IPCEF1: variants seen among roughly 807,000 people sequenced by gnomAD.
IPCEF1 encodes interactor protein for cytohesin exchange factors 1.
IPCEF1 carries 31 observed loss-of-function variants against 50.9 expected under a neutral mutation model. That is an observed-to-expected ratio of 0.61 (90% CI 0.46 to 0.82). IPCEF1 has a LOEUF of 0.82. IPCEF1 is among the 40% of genes least tolerant of loss of function. The pLI is 0.00. For missense variants in IPCEF1, 458 were observed against 514.0 expected (o/e 0.89, Z 1.05); for synonymous variants, 181 against 192.0 (o/e 0.94, Z 0.47).
At chr6:154,169,839 G>A (rs193160704) in intron 10 of IPCEF1, among the ~76,000 whole-genome samples, 31 of 152,306 alleles carry the variant, frequency 2.0e-4, no homozygotes, top group African/African-American at 7.2e-4. Flanking sequence ...GGCCATTTGG[G>A]GCCAAGGAGA....
chr6:154,313,858 C>G (rs2128682376), intron 1 of IPCEF1, among the ~76,000 whole-genome samples: 1 of 152,270 alleles, frequency 6.6e-6, no homozygotes, highest in South Asian at 2.1e-4. Flanking sequence ...ATCCTCCCTT[C>G]TCAGCCTCCC....
At chr6:154,257,911 C>T (rs1239192788) in intron 3 of IPCEF1, among the ~76,000 whole-genome samples, 1 of 152,184 alleles carries the variant, frequency 6.6e-6, no homozygotes, top group East Asian at 1.9e-4. Flanking sequence ...CCATGTGGCC[C>T]AGGCTGGTCT....
rs35478569 is a variant in IPCEF1, at chr6:154,298,962, C to CAA, written c.-61-9208_-61-9207dup. ...GGGCAACAAGAGCGAAACTCCATCT[C>CAA]AAAAAAAAAAAAAAGATTACCAATA... is the stretch of plus-strand genomic sequence containing the variant. On this transcript the variant is annotated intron_variant, in intron 1 of 11. Coordinates refer to ENST00000367220, the MANE Select transcript of IPCEF1 (RefSeq NM_001130700.2). Among the ~76,000 whole-genome samples, 28 of 94,418 alleles carry CAA rather than the reference C, an allele frequency of 3.0e-4. 2 individuals carry two copies. The highest frequency in any genetic ancestry group is 4.7e-3 in the Middle Eastern group (1 of 214). The allele number at this position is 94,418 out of a possible 152,430, so 61.9% of individuals were successfully genotyped here.
At chr6:154,218,823 G>A (rs1449895247) in intron 7 of IPCEF1, among the ~76,000 whole-genome samples, 1 of 152,210 alleles carries the variant, frequency 6.6e-6, no homozygotes, top group Non-Finnish European at 1.5e-5. Context: ...GTCACTGACA[G>A]ATTCAAAAAC....
intron 1 of IPCEF1, among the ~76,000 whole-genome samples, chr6:154,331,469 G>C (rs1783671924): frequency 7.3e-6 from 1 of 137,848 alleles, no homozygotes; most frequent in Non-Finnish European, 1.6e-5. Flanking sequence ...GGAAAAGAAA[G>C]AAAGGGGAAG....
chr6:154,278,982 G>T lies in IPCEF1; in HGVS notation c.-18+10731C>A, dbSNP rs140797672. 6.9e-3 allele frequency among the ~76,000 whole-genome samples: 1,039 copies of T among 149,770 alleles called. 20 individuals are homozygous for T. Among genetic ancestry groups the T allele is most frequent in the African/African-American group, 0.024 (997 of 40,742 alleles). On this transcript the variant is annotated intron_variant, in intron 2 of 11. Coordinates refer to ENST00000367220, the MANE Select transcript of IPCEF1 (RefSeq NM_001130700.2). ...ATACAAAAAAAAAAAAAAAAAAGCT[G>T]GTCATGGTGGTGTGCACCTGTGGTC...
At chr6:154,235,253 G>A (rs1030810538) in intron 5 of IPCEF1, among the ~76,000 whole-genome samples, 5 of 152,158 alleles carry the variant, frequency 3.3e-5, no homozygotes, top group Admixed American at 1.3e-4. Flanking sequence ...GTAATAGGCC[G>A]GGCATGGTGG....
chr6:154,173,954 T>C (rs1800084900), intron 10 of IPCEF1, among the ~76,000 whole-genome samples: 1 of 152,150 alleles, frequency 6.6e-6, no homozygotes. Flanking sequence ...GGGAAGCCCA[T>C]CAGACTAACA....
chr6:154,306,927 G>C (rs916900042), intron 1 of IPCEF1, among the ~76,000 whole-genome samples: 3 of 152,038 alleles, frequency 2.0e-5, no homozygotes, highest in Admixed American at 6.6e-5. Flanking sequence ...GCAGTTTGCT[G>C]TGTGTGAGTG....
intron 5 of IPCEF1, among the ~76,000 whole-genome samples, chr6:154,244,732 GAAGGACTTCCTTTA>G (rs1385029248): frequency 1.3e-5 from 2 of 152,214 alleles, no homozygotes; most frequent in East Asian, 3.8e-4. Context: ...GTGTGGTTCA[GAAGGACTTCCTTTA>G]AATTCTATGA....
intron 2 of IPCEF1, among the ~76,000 whole-genome samples, chr6:154,275,133 C>T (rs909641910): frequency 8.5e-5 from 13 of 152,316 alleles, no homozygotes; most frequent in South Asian, 4.1e-4. Context: ...GCCTCTCCTA[C>T]GCCAGCTCCA....
chr6:154,352,017 G>A (rs1458235714), intron 1 of IPCEF1, among the ~76,000 whole-genome samples: 4 of 152,194 alleles, frequency 2.6e-5, no homozygotes, highest in Non-Finnish European at 5.9e-5. Flanking sequence ...GGAAGAATAA[G>A]CTAATGGATG....
chr6:154,198,129 T>C (rs1444683542), intron 10 of IPCEF1, among the ~76,000 whole-genome samples: 1 of 152,202 alleles, frequency 6.6e-6, no homozygotes, highest in Non-Finnish European at 1.5e-5. Flanking sequence ...AAGGAATGCA[T>C]TCCTTTCCAA....
chr6:154,168,020 G>A lies in IPCEF1; in HGVS notation c.1004C>T (p.Ser335Leu), dbSNP rs1189092777. 7 of 1,611,150 alleles carry A rather than the reference G, an allele frequency of 4.3e-6. No individual in the cohort carries two copies. Among genetic ancestry groups the A allele is most frequent in the East Asian group, 2.2e-5 (1 of 44,824 alleles). ...GGATTTTCTCAACTCCTTTTTAGTC[G>A]AAGGTCGTCGGTCCCCAAGAGGAGA... The part of the protein sequence containing the change: ...SLSPLGDRRP[S>L]TKKELRKSFV... Residue 335 changes from serine (S) to leucine (L), a missense_variant, in exon 11 of 12, where the codon TCG becomes TTG. Physicochemically the swap from Ser to Leu is moderately radical, Grantham distance 145. Coordinates refer to ENST00000367220, the MANE Select transcript of IPCEF1 (RefSeq NM_001130700.2). This position sits in a 1 kb window ranked among gnomAD's most constrained non-coding sequence, Gnocchi z 4.1.
At chr6:154,195,711 T>C (rs562540938) in intron 10 of IPCEF1, among the ~76,000 whole-genome samples, 6 of 152,314 alleles carry the variant, frequency 3.9e-5, no homozygotes, top group African/African-American at 1.4e-4. Flanking sequence ...TCTGCTTTCT[T>C]TTGTTAAATG....
intron 10 of IPCEF1, among the ~76,000 whole-genome samples, chr6:154,177,685 TTGG>T (rs1277882037): frequency 4.6e-5 from 7 of 152,346 alleles, no homozygotes; most frequent in Admixed American, 3.9e-4. Context: ...TTTTACACTG[TTGG>T]TGGGAGTGTA....
chr6:154,261,089 A>G (rs1204123782), intron 3 of IPCEF1, among the ~76,000 whole-genome samples: 1 of 152,082 alleles, frequency 6.6e-6, no homozygotes, highest in Admixed American at 6.6e-5. Context: ...TCTGTAGCCA[A>G]GACTGGAGTG....
intron 1 of IPCEF1, among the ~76,000 whole-genome samples, chr6:154,296,347 C>T (rs144277559): frequency 1.3e-5 from 2 of 152,230 alleles, no homozygotes; most frequent in African/African-American, 2.4e-5. Flanking sequence ...TCGGATCCAC[C>T]GTTGCCTTCT....
chr6:154,355,478 TTTTC>T (rs201731228), intron 1 of IPCEF1, among the ~76,000 whole-genome samples: 14 of 145,694 alleles, frequency 9.6e-5, no homozygotes, highest in South Asian at 2.2e-4. Context: ...TTTCTGTTTC[TTTTC>T]TTTCTTTCTT....
Sources: gnomAD v4.1 joint callset for allele counts (sites outside exome capture counted in the v4.1 genomes callset) on GRCh38, gnomAD v4.1.1 for gene constraint, Gnocchi (gnomAD v3.1) non-coding constraint, MANE v1.5 for transcripts, NCBI Gene and HGNC (gene_info 2026-07-23, HGNC 2026-07-21) for gene names.